GPR158: variants seen among roughly 807,000 people sequenced by gnomAD.
The protein encoded by GPR158 is G protein-coupled receptor 158, also known as metabotropic glycine receptor.
A neutral mutation model predicts 78.2 loss-of-function variants in GPR158; 30 were observed. That is an observed-to-expected ratio of 0.38 (90% CI 0.29 to 0.52). The LOEUF is 0.52. Ranked by LOEUF, GPR158 falls within the 20% of genes least tolerant of loss-of-function variation. The probability of loss-of-function intolerance (pLI) is 0.83; values close to 1 mark genes in which losing one functional copy is unlikely to be tolerated. For missense variants in GPR158, 1,463 were observed against 1,523.5 expected (o/e 0.96, Z 0.66); for synonymous variants, 581 against 591.1 (o/e 0.98, Z 0.25).
intron 4 of GPR158, among the ~76,000 whole-genome samples, chr10:25,434,644 G>A (rs1834972714): frequency 6.6e-6 from 1 of 152,144 alleles, no homozygotes; most frequent in African/African-American, 2.4e-5. Context: ...CAATCTAATG[G>A]AGAAAGGAAT....
At chr10:25,379,969 T>TC (rs71281586) in intron 2 of GPR158, among the ~76,000 whole-genome samples, 35 of 151,152 alleles carry the variant, frequency 2.3e-4, no homozygotes, top group Middle Eastern at 3.4e-3. Flanking sequence ...CATAGGGTTT[T>TC]TTTTTTCTTT....
intron 2 of GPR158, among the ~76,000 whole-genome samples, chr10:25,366,429 GT>G (rs1855725196): frequency 6.6e-6 from 1 of 151,428 alleles, no homozygotes; most frequent in African/African-American, 2.4e-5. Flanking sequence ...GGTTCTTTTA[GT>G]TTTTAAACTT....
At chr10:25,267,901 AATAG>A (rs1854064547) in intron 2 of GPR158, among the ~76,000 whole-genome samples, 1 of 152,152 alleles carries the variant, frequency 6.6e-6, no homozygotes, top group Non-Finnish European at 1.5e-5. Flanking sequence ...GAATTACCCA[AATAG>A]ATGGATGGAT....
chr10:25,532,344 A>G (rs10828816), intron 5 of GPR158, among the ~76,000 whole-genome samples: 80,033 of 151,970 alleles, frequency 0.53, 21,836 homozygotes, highest in African/African-American at 0.68. Flanking sequence ...TGCATTTTTT[A>G]TGTGTATTCT....
chr10:25,212,885 C>A (rs1853154429), intron 1 of GPR158, among the ~76,000 whole-genome samples: 3 of 152,166 alleles, frequency 2.0e-5, no homozygotes, highest in African/African-American at 7.2e-5. Flanking sequence ...CCGCCTTGGC[C>A]TCCCAAAGTG....
chr10:25,370,837 T>C (rs1833978362), intron 2 of GPR158, among the ~76,000 whole-genome samples: 1 of 151,786 alleles, frequency 6.6e-6, no homozygotes, highest in Admixed American at 6.6e-5. Flanking sequence ...ACTTGCTTTA[T>C]GAATCTGGAT....
intron 4 of GPR158, among the ~76,000 whole-genome samples, chr10:25,416,064 A>C (rs1338313359): frequency 6.6e-6 from 1 of 152,146 alleles, no homozygotes; most frequent in Non-Finnish European, 1.5e-5. Context: ...ATTAATACTT[A>C]CCTTCTGGGA....
chr10:25,574,755 C>A (rs1010292612), intron 7 of GPR158, among the ~76,000 whole-genome samples: 1 of 152,056 alleles, frequency 6.6e-6, no homozygotes, highest in Non-Finnish European at 1.5e-5. Flanking sequence ...CATGGTGGTA[C>A]ACTCCTATAA....
intron 6 of GPR158, among the ~76,000 whole-genome samples, chr10:25,566,517 T>G (rs1341629022): frequency 2.6e-5 from 4 of 152,122 alleles, no homozygotes; most frequent in African/African-American, 9.7e-5. Flanking sequence ...TTTTCATTAT[T>G]CTTCCTTATT....
In GPR158 at chr10:25,599,188, G is replaced by A. The variant is rs745699327; in HGVS notation, c.3562G>A (p.Val1188Ile). 1 of 1,611,652 alleles carries A rather than the reference G, an allele frequency of 6.2e-7. No homozygotes were observed. Among genetic ancestry groups the A allele is most frequent in the East Asian group, 2.2e-5 (1 of 44,870 alleles). The change falls in exon 11 of 11, where the codon GTA becomes ATA. Residue 1188 changes from valine (V) to isoleucine (I), a missense_variant. Coordinates refer to ENST00000376351, the MANE Select transcript of GPR158 (RefSeq NM_020752.3). ...TPAQPNAGRS[V>I]ALPASSALSA... ...AGCTCAACCAAATGCTGGAAGAAGT[G>A]TAGCTTTACCTGCCTCTTCTGCTCT... is the stretch of plus-strand genomic sequence containing the variant.
At position 25,325,902 on chromosome 10, in the gene GPR158, A is replaced by ATTTT. The variant is rs34026835; in HGVS notation, c.1009-69998_1009-69995dup. 6.2e-3 allele frequency among the ~76,000 whole-genome samples: 889 copies of ATTTT among 144,142 alleles called. 10 individuals carry two copies. Among genetic ancestry groups the ATTTT allele is most frequent in the African/African-American group, 0.021 (846 of 39,380 alleles). 94.6% of individuals were successfully genotyped at this position (144,142 alleles called of 152,430 possible). On this transcript the variant is annotated intron_variant, in intron 2 of 10. Transcript: ENST00000376351. The stretch of plus-strand genomic sequence containing the variant: ...TTTAATACACCTATTGGCCATTTGT[A>ATTTT]TTTTTTTTTTTTTTGAGAAATGTCT...
chr10:25,470,293 A>G (rs1835480883), intron 5 of GPR158, among the ~76,000 whole-genome samples: 1 of 152,130 alleles, frequency 6.6e-6, no homozygotes, highest in Non-Finnish European at 1.5e-5. Flanking sequence ...GTTGTTGAGA[A>G]GTGGGGTATT....
chr10:25,549,766 A>G, intron 5 of GPR158, among the ~76,000 whole-genome samples: 1 of 152,148 alleles, frequency 6.6e-6, no homozygotes, highest in East Asian at 1.9e-4. Flanking sequence ...AGGGGAGTTT[A>G]GGTAATTCAT....
chr10:25,411,724 C>T (rs969975768), intron 3 of GPR158, among the ~76,000 whole-genome samples: 27 of 151,720 alleles, frequency 1.8e-4, no homozygotes, highest in African/African-American at 5.6e-4. Flanking sequence ...TCACAAGGTC[C>T]GGAGATCGAG....
intron 4 of GPR158, among the ~76,000 whole-genome samples, chr10:25,450,380 GTT>G (rs756236063): frequency 1.4e-4 from 9 of 63,910 alleles, no homozygotes; most frequent in Non-Finnish European, 1.8e-4. Flanking sequence ...CCTTTTTCAC[GTT>G]TTTTTTTTTT....
At chr10:25,305,923 T>C (rs1452530096) in intron 2 of GPR158, among the ~76,000 whole-genome samples, 2 of 152,212 alleles carry the variant, frequency 1.3e-5, no homozygotes, top group South Asian at 2.1e-4. Flanking sequence ...CTCCAAAAAG[T>C]GAATCTAAGT....
chr10:25,423,784 T>C (rs1415445776), intron 4 of GPR158, among the ~76,000 whole-genome samples: 2 of 152,220 alleles, frequency 1.3e-5, no homozygotes, highest in Admixed American at 6.5e-5. Flanking sequence ...CAGTCTATCA[T>C]TGATGGAAAT....
chr10:25,259,480 G>T (rs1022667041), intron 2 of GPR158, among the ~76,000 whole-genome samples: 3 of 152,008 alleles, frequency 2.0e-5, no homozygotes, highest in Non-Finnish European at 2.9e-5. Flanking sequence ...AGTTGTTGTG[G>T]TATCTCACTT....
At chr10:25,466,787 T>TAC (rs71399973) in intron 5 of GPR158, 68 bp downstream of exon 5, 29,577 of 706,502 alleles carry the variant, frequency 0.042, 576 homozygotes, top group Admixed American at 0.11. Flanking sequence ...AGTTACTGTT[T>TAC]ACACACACAC....
Sources: gnomAD v4.1 joint callset for allele counts (sites outside exome capture counted in the v4.1 genomes callset) on GRCh38, gnomAD v4.1.1 for gene constraint, MANE v1.5 for transcripts, NCBI Gene and HGNC (gene_info 2026-07-23, HGNC 2026-07-21) for gene names.